The following MAGI2 variants were observed in gnomAD, a reference collection of about 807,000 sequenced individuals.
MAGI2 encodes the protein membrane associated guanylate kinase, WW and PDZ domain containing 2, also known as membrane-associated guanylate kinase, WW and PDZ domain-containing protein 2.
MAGI2 carries 35 observed loss-of-function variants against 133.3 expected under a neutral mutation model. That is an observed-to-expected ratio of 0.26 (90% confidence interval 0.20 to 0.35). The LOEUF (loss-of-function observed/expected upper bound fraction) is 0.35, where lower values mean the gene tolerates loss of function less well. Ranked by LOEUF, MAGI2 falls within the 10% of genes least tolerant of loss-of-function variation. MAGI2 has a pLI of 1.00. For missense variants in MAGI2, 1,636 were observed against 1,863.4 expected (o/e 0.88, Z 2.25); for synonymous variants, 729 against 710.6 (o/e 1.03, Z -0.41).
At chr7:79,282,630 A>G (rs1585420996) in intron 1 of MAGI2, among the ~76,000 whole-genome samples, 1 of 152,258 alleles carries the variant, frequency 6.6e-6, no homozygotes, top group South Asian at 2.1e-4. Flanking sequence ...AAAAAATCAT[A>G]AGGAGGAGAA....
At chr7:79,088,135 T>G (rs527690816) in intron 1 of MAGI2, among the ~76,000 whole-genome samples, 1 of 152,208 alleles carries the variant, frequency 6.6e-6, no homozygotes, top group East Asian at 1.9e-4. Context: ...GCATGGAATG[T>G]TTTTCCATTT....
intron 2 of MAGI2, among the ~76,000 whole-genome samples, chr7:78,998,199 T>C (rs193240699): frequency 3.6e-4 from 55 of 152,336 alleles, no homozygotes; most frequent in African/African-American, 1.3e-3. Flanking sequence ...CACCTCTTTA[T>C]GGTTTTCTTT....
chr7:78,555,453 T>A (rs1799740903), intron 3 of MAGI2, among the ~76,000 whole-genome samples: 1 of 152,098 alleles, frequency 6.6e-6, no homozygotes. Flanking sequence ...ATAAAAAAAC[T>A]ATTCTGGCTG....
rs73377244 is a variant in MAGI2, at chr7:79,353,763, G to T, written c.301+99257C>A. The T allele has an allele frequency of 1.5e-3, 376 of 251,518 alleles. 2 individuals are homozygous for T. Among genetic ancestry groups the T allele is most frequent in the African/African-American group, 8.0e-3 (358 of 44,866 alleles). 15.6% of individuals were successfully genotyped at this position (251,518 alleles called of 1,614,324 possible). ...TTCTAGGTCTGAACCTGGATGCTGG[G>T]ACTCTGCTGGGCACTGAGTCCATCT... On this transcript the variant is annotated intron_variant, in intron 1 of 21. Coordinates refer to ENST00000354212, the MANE Select transcript of MAGI2 (RefSeq NM_012301.4).
intron 14 of MAGI2, among the ~76,000 whole-genome samples, chr7:78,172,147 G>A (rs1826172810): frequency 6.6e-6 from 1 of 152,128 alleles, no homozygotes; most frequent in Non-Finnish European, 1.5e-5. Context: ...CAGTAAGTCA[G>A]GGGAAAAACT....
chr7:78,345,823 A>G (rs908429185), intron 8 of MAGI2, 99 bp downstream of exon 8: 8 of 1,525,438 alleles, frequency 5.2e-6, no homozygotes, highest in Non-Finnish European at 7.1e-6. Flanking sequence ...AAGCAAATCA[A>G]TTTTTCAAAA....
chr7:79,434,348 A>G (rs1334521248), intron 1 of MAGI2, among the ~76,000 whole-genome samples: 2 of 152,154 alleles, frequency 1.3e-5, no homozygotes, highest in Non-Finnish European at 2.9e-5. Context: ...ACACACTGCT[A>G]AAGTATTTAA....
At position 78,256,082 on chromosome 7, in the gene MAGI2, T is replaced by G. The variant is rs1277318044; in HGVS notation, c.1908A>C (p.Gly636=). 20 of 1,613,598 alleles carry G rather than the reference T, an allele frequency of 1.2e-5. No individual in the cohort carries two copies. Among genetic ancestry groups the G allele is most frequent in the Non-Finnish European group, 1.7e-5 (20 of 1,179,892 alleles). Residue 636 remains glycine, a synonymous_variant, in exon 10 of 22, where the codon GGA becomes GGC. Transcript: ENST00000354212. ...QRVKQILDIQ[G]CPGLCEGDLI... ...GGTCGCCTTCACACAGGCCAGGGCA[T>G]CCCTGAATGTCAAGTATTTGTTTCA...
chr7:79,022,600 A>C (rs1809447632), intron 1 of MAGI2, among the ~76,000 whole-genome samples: 1 of 150,864 alleles, frequency 6.6e-6, no homozygotes, highest in African/African-American at 2.4e-5. Flanking sequence ...TTAATAAGAC[A>C]AATACACTGC....
At chr7:78,441,920 A>G (rs1033515214) in intron 6 of MAGI2, among the ~76,000 whole-genome samples, 32 of 152,114 alleles carry the variant, frequency 2.1e-4, no homozygotes, top group African/African-American at 7.5e-4. Context: ...TCCTAGTGGC[A>G]AATCCCAAAT....
intron 2 of MAGI2, among the ~76,000 whole-genome samples, chr7:78,927,627 T>TA (rs947954292): frequency 6.6e-6 from 1 of 151,880 alleles, no homozygotes; most frequent in African/African-American, 2.4e-5. Context: ...AATCTATGAT[T>TA]AAAAAAAACT....
intron 1 of MAGI2, among the ~76,000 whole-genome samples, chr7:79,096,552 C>G (rs1034325214): frequency 1.3e-5 from 2 of 152,164 alleles, no homozygotes; most frequent in Admixed American, 6.5e-5. Flanking sequence ...TCTGCTTCCT[C>G]TGAAGTTCTG....
chr7:79,387,543 C>A (rs1844281142), intron 1 of MAGI2, among the ~76,000 whole-genome samples: 1 of 151,980 alleles, frequency 6.6e-6, no homozygotes, highest in Non-Finnish European at 1.5e-5. Flanking sequence ...ATTATTATGA[C>A]TCCTGTTTAT....
intron 1 of MAGI2, among the ~76,000 whole-genome samples, chr7:79,138,849 CA>C (rs1229477525): frequency 6.6e-6 from 1 of 151,560 alleles, no homozygotes; most frequent in African/African-American, 2.4e-5. Context: ...ACTAAAAATA[CA>C]AAAAAATTAG....
At chr7:79,224,980 A>C (rs1002564427) in intron 1 of MAGI2, among the ~76,000 whole-genome samples, 3 of 152,236 alleles carry the variant, frequency 2.0e-5, no homozygotes, top group South Asian at 2.1e-4. Flanking sequence ...TATCTTAATA[A>C]ACTTTACATT....
chr7:78,710,267 T>C (rs1248737973), intron 2 of MAGI2, among the ~76,000 whole-genome samples: 1 of 152,148 alleles, frequency 6.6e-6, no homozygotes, highest in Non-Finnish European at 1.5e-5. Flanking sequence ...TAGATAACCA[T>C]CAAAATCAGG....
chr7:78,796,061 G>T (rs1298519765), intron 2 of MAGI2, among the ~76,000 whole-genome samples: 2 of 152,094 alleles, frequency 1.3e-5, no homozygotes, highest in Non-Finnish European at 2.9e-5. Context: ...AATGCTACAG[G>T]TCATTGGTCT....
At chr7:78,718,127 T>C (rs1362493103) in intron 2 of MAGI2, among the ~76,000 whole-genome samples, 1 of 152,256 alleles carries the variant, frequency 6.6e-6, no homozygotes, top group Non-Finnish European at 1.5e-5. Context: ...AGAAAAGCAA[T>C]GGCAACTAGG....
intron 9 of MAGI2, among the ~76,000 whole-genome samples, chr7:78,327,824 G>A (rs1462196150): frequency 3.3e-5 from 5 of 152,202 alleles, no homozygotes; most frequent in Non-Finnish European, 5.9e-5. Context: ...GTCGATGACA[G>A]AAATCAGATG....
Sources: gnomAD v4.1 joint callset for allele counts (sites outside exome capture counted in the v4.1 genomes callset) on GRCh38, gnomAD v4.1.1 for gene constraint, MANE v1.5 for transcripts, NCBI Gene and HGNC (gene_info 2026-07-23, HGNC 2026-07-21) for gene names.